The following CD302 variants were observed in gnomAD, a reference collection of about 807,000 sequenced individuals.
The protein encoded by CD302 is CD302 antigen.
Under a neutral mutation model 26.5 loss-of-function variants are expected in CD302, and 23 were observed. The ratio of observed to expected loss-of-function variants is 0.87; its 90% confidence interval spans 0.62 to 1.23. CD302 has a LOEUF of 1.23. Ranked by LOEUF, CD302 falls within the 50% of genes most tolerant of loss-of-function variation. The pLI is 0.00. For synonymous variants in CD302, 90 were observed against 99.4 expected (o/e 0.91, Z 0.56); for missense variants, 290 against 275.5 (o/e 1.05, Z -0.37).
chr2:159,783,183 A>C (rs1205683836), intron 2 of CD302, among the ~76,000 whole-genome samples, 176 bp downstream of exon 2: 1 of 152,234 alleles, frequency 6.6e-6, no homozygotes, highest in Non-Finnish European at 1.5e-5. Flanking sequence ...CAACTCCAGG[A>C]TTAAATATAT....
chr2:159,777,940 GATAA>G lies in CD302; in HGVS notation c.490_493del (p.Leu164GlnfsTer6). On this transcript the variant is annotated frameshift_variant, in exon 5 of 6. Transcript: ENST00000259053. LOFTEE classifies it high-confidence loss of function. Reference sequence around the variant, plus strand: ...TTAAAGACCAAATCATTACTTACCTGATAAATATTTCCTTTTGTATGGGACTAAA... The same window carrying G: ...TTAAAGACCAAATCATTACTTACCTGATATTTCCTTTTGTATGGGACTAAA... 1 of 1,010,730 alleles carries G rather than the reference GATAA, an allele frequency of 9.9e-7. No individual in the cohort carries two copies. Among genetic ancestry groups the G allele is most frequent in the Non-Finnish European group, 1.4e-6 (1 of 708,460 alleles). 62.6% of individuals were successfully genotyped at this position (1,010,730 alleles called of 1,614,324 possible).
rs1436785861 is a variant in CD302 at position 159,779,965 on chromosome 2, G to T, written c.469+40C>A. The stretch of plus-strand genomic sequence containing the variant: ...TTTTAAAACCAGTCCTACTTTCTCT[G>T]CCCCTTCTAGAATGGAAAAACACCT... On this transcript the variant is annotated intron_variant, in intron 4 of 5. Transcript: ENST00000259053. 2.5e-6 allele frequency: 4 copies of T among 1,580,690 alleles called. No individual in the cohort carries two copies. The African/African-American group carries it at 5.5e-5, about 22-fold the overall frequency.
chr2:159,796,549 T>TTAAC (rs1393737464), intron 1 of CD302, among the ~76,000 whole-genome samples: 1 of 152,140 alleles, frequency 6.6e-6, no homozygotes, highest in Non-Finnish European at 1.5e-5. Flanking sequence ...TGCAGATAAG[T>TTAAC]TGGTTAACTA....
chr2:159,773,373 C>G (rs1483759516), intron 5 of CD302, among the ~76,000 whole-genome samples: 1 of 152,286 alleles, frequency 6.6e-6, no homozygotes, highest in South Asian at 2.1e-4. Context: ...CTCAACTTTA[C>G]CAGTGTGAAC....
chr2:159,780,839 AAAG>A (rs745698012), intron 3 of CD302, 40 bp downstream of exon 3: 3 of 1,574,928 alleles, frequency 1.9e-6, no homozygotes, highest in East Asian at 2.2e-5. Context: ...TACATTAAAA[AAAG>A]AACAACAAAG....
chr2:159,776,368 T>C (rs774371571), intron 5 of CD302, among the ~76,000 whole-genome samples: 15 of 152,118 alleles, frequency 9.9e-5, no homozygotes, highest in Non-Finnish European at 2.1e-4. Context: ...ATCAAACAGA[T>C]GGGTGTACGG....
At chr2:159,774,378 GT>G (rs1364984719) in intron 5 of CD302, among the ~76,000 whole-genome samples, 1 of 152,050 alleles carries the variant, frequency 6.6e-6, no homozygotes, top group African/African-American at 2.4e-5. Context: ...TTTTTCTTCT[GT>G]TTCCTATTTA....
In CD302 at chr2:159,784,149, T is replaced by C. The variant is rs373842446; in HGVS notation, c.68-680A>G. Among the ~76,000 whole-genome samples the C allele has an allele frequency of 1.9e-4, 29 of 152,242 alleles. No individual in the cohort carries two copies. The East Asian group carries it at 3.1e-3, about 16-fold the overall frequency. ...TTAAGCCTAGGCTCTAGAATTTAAT[T>C]GGTTAGTATTAAAAGCAAAAGTAAC... is the stretch of plus-strand genomic sequence containing the variant. On this transcript the variant is annotated intron_variant, in intron 1 of 5. Transcript: ENST00000259053.
chr2:159,774,494 G>A (rs2125792270), intron 5 of CD302, among the ~76,000 whole-genome samples: 1 of 152,262 alleles, frequency 6.6e-6, no homozygotes, highest in South Asian at 2.1e-4. Context: ...TTGTTAGGCT[G>A]TAGCCTCAGG....
intron 1 of CD302, among the ~76,000 whole-genome samples, chr2:159,796,276 A>T (rs142316718): frequency 1.3e-5 from 2 of 152,304 alleles, no homozygotes; most frequent in African/African-American, 4.8e-5. Context: ...GAGATTTGTA[A>T]AGTATTATGA....
intron 1 of CD302, among the ~76,000 whole-genome samples, chr2:159,787,842 C>T (rs1203840537): frequency 6.6e-6 from 1 of 152,212 alleles, no homozygotes. Context: ...CCACCAGGCA[C>T]AGTGGCTCAC....
rs183720933 is a variant in CD302, at chr2:159,794,614, T to C, written c.67+3518A>G. On this transcript the variant is annotated intron_variant, in intron 1 of 5. Coordinates refer to ENST00000259053, the MANE Select transcript of CD302 (RefSeq NM_014880.5). ...CCCAGGCTGGAGTGCAGTGGCGCGA[T>C]CTCAGCTCACTGCAAGCTCTGTCTC... is the stretch of plus-strand genomic sequence containing the variant. Among the ~76,000 whole-genome samples, 691 of 151,964 alleles carry C rather than the reference T, an allele frequency of 4.5e-3. 1 individual carries two copies. The highest frequency in any genetic ancestry group is 8.6e-3 in the Non-Finnish European group (583 of 67,966).
intron 1 of CD302, among the ~76,000 whole-genome samples, chr2:159,792,696 C>A (rs1278484308): frequency 6.6e-6 from 1 of 151,954 alleles, no homozygotes; most frequent in Non-Finnish European, 1.5e-5. Flanking sequence ...GGGATATAGC[C>A]CCATTCTAAG....
Position 159,778,752 on chromosome 2 carries a change from C to T in CD302, c.470-788G>A, listed in dbSNP as rs181298671. 1.4e-3 allele frequency among the ~76,000 whole-genome samples: 220 copies of T among 152,192 alleles called. 1 individual carries two copies. The highest frequency in any genetic ancestry group is 5.0e-3 in the African/African-American group (206 of 41,504). ...GGTGGTCTTGCTATGTTGACCCAGG[C>T]TGCCTCAGCCTCAAAAAGTGCTGGG... On this transcript the variant is annotated intron_variant, in intron 4 of 5. Transcript: ENST00000259053.
At chr2:159,792,600 T>C (rs762364964) in intron 1 of CD302, among the ~76,000 whole-genome samples, 22 of 152,088 alleles carry the variant, frequency 1.4e-4, no homozygotes, top group Admixed American at 1.4e-3. Flanking sequence ...TCAAAGACCA[T>C]TGCTGAATAA....
intron 1 of CD302, 76 bp from the exon 2 acceptor site, chr2:159,783,545 T>C (rs1029630010): frequency 5.2e-6 from 6 of 1,148,820 alleles, no homozygotes; most frequent in Non-Finnish European, 7.1e-6. Context: ...ATAAGGATAT[T>C]AGATACTAAA....
At position 159,777,941 on chromosome 2, in the gene CD302, A is replaced by C. The variant is rs749527664; in HGVS notation, c.493T>G (p.Ser165Ala). 6.9e-6 allele frequency: 7 copies of C among 1,019,524 alleles called. No homozygotes were observed. The highest frequency in any genetic ancestry group is 3.3e-5 in the African/African-American group (2 of 59,820). 63.2% of individuals were successfully genotyped at this position (1,019,524 alleles called of 1,614,324 possible). A position where few individuals can be genotyped will look rare whatever the true frequency, so the allele number is the denominator to read the frequency against. ...TAIPYKRKYL[S>A]DNHILISALV... ...TAAAGACCAAATCATTACTTACCTGATAAATATTTCCTTTTGTATGGGACT... is the reference window on the plus strand; with the variant it reads ...TAAAGACCAAATCATTACTTACCTGCTAAATATTTCCTTTTGTATGGGACT... Residue 165 changes from serine to alanine, a missense_variant, in exon 5 of 6, where the codon TCA (serine) becomes GCA (alanine). By Grantham distance (99) the Ser-to-Ala change is moderately conservative. Transcript: ENST00000259053.
At chr2:159,779,212 C>G (rs572801166) in intron 4 of CD302, among the ~76,000 whole-genome samples, 2 of 106,246 alleles carry the variant, frequency 1.9e-5, no homozygotes, top group South Asian at 6.7e-4. Context: ...GCCTGGGCGA[C>G]AGAGAGAGAC....
chr2:159,777,028 G>A (rs1343148705), intron 5 of CD302, among the ~76,000 whole-genome samples: 1 of 152,140 alleles, frequency 6.6e-6, no homozygotes, highest in Non-Finnish European at 1.5e-5. Flanking sequence ...AGGCTGAGGC[G>A]GGTGGATCCT....
Sources: gnomAD v4.1 joint callset for allele counts (sites outside exome capture counted in the v4.1 genomes callset) on GRCh38, gnomAD v4.1.1 for gene constraint, MANE v1.5 for transcripts, NCBI Gene and HGNC (gene_info 2026-07-23, HGNC 2026-07-21) for gene names.